Variants in EMC3 observed in about 807,000 individuals in gnomAD.
EMC3 encodes ER membrane protein complex subunit 3.
EMC3 carries 13 observed loss-of-function variants against 36.6 expected under a neutral mutation model. The ratio of observed to expected loss-of-function variants is 0.35; its 90% CI spans 0.23 to 0.56. EMC3 has a LOEUF of 0.56. EMC3 is among the 20% of genes least tolerant of loss of function. The probability of loss-of-function intolerance (pLI) is 0.84; values close to 1 mark genes in which losing one functional copy is unlikely to be tolerated. For synonymous variants in EMC3, 120 were observed against 111.9 expected (o/e 1.07, Z -0.46); for missense variants, 220 against 324.5 (o/e 0.68, Z 2.47).
intron 3 of EMC3, among the ~76,000 whole-genome samples, chr3:9,974,719 T>C (rs956029524): frequency 3.3e-5 from 5 of 150,794 alleles, no homozygotes; most frequent in South Asian, 2.1e-4. Context: ...CCACCACGCC[T>C]GGCTAATTTT....
upstream of EMC3, among the ~76,000 whole-genome samples, chr3:9,989,981 T>C (rs2086027657): frequency 6.7e-6 from 1 of 149,948 alleles, no homozygotes; most frequent in Non-Finnish European, 1.5e-5. Context: ...TTTTTTTTCC[T>C]GGAAGCATAG....
intron 1 of EMC3, among the ~76,000 whole-genome samples, chr3:9,981,170 C>T (rs985819140): frequency 2.6e-5 from 4 of 152,190 alleles, no homozygotes; most frequent in East Asian, 1.9e-4. Context: ...CCACTGCGAT[C>T]GCAGCCTCAA....
upstream of EMC3, among the ~76,000 whole-genome samples, chr3:9,988,968 G>A (rs1416599657): frequency 6.6e-6 from 1 of 151,630 alleles, no homozygotes; most frequent in Non-Finnish European, 1.5e-5. Flanking sequence ...TAAGCCTACA[G>A]TATCCACAAG....
upstream of EMC3, chr3:9,986,915 T>G: frequency 7.8e-7 from 1 of 1,282,784 alleles, no homozygotes; most frequent in Non-Finnish European, 9.9e-7. Context: ...GGCGGGAAAG[T>G]GGAAAACTAT....
At chr3:9,978,876 G>C (rs945931943) in intron 1 of EMC3, among the ~76,000 whole-genome samples, 33 of 151,720 alleles carry the variant, frequency 2.2e-4, no homozygotes, top group African/African-American at 7.7e-4. Context: ...ACTGTGCTTG[G>C]CTTCCTGTCT....
At chr3:10,005,455 C>T (rs1338102640) in intron 1 of EMC3, among the ~76,000 whole-genome samples, 3 of 152,126 alleles carry the variant, frequency 2.0e-5, no homozygotes. Flanking sequence ...TACAAAGCCT[C>T]AGTGTCATAC....
chr3:9,967,882 G>T (rs1273492499), intron 7 of EMC3, among the ~76,000 whole-genome samples: 1 of 152,190 alleles, frequency 6.6e-6, no homozygotes, highest in Non-Finnish European at 1.5e-5. Flanking sequence ...TTTCAGCAAT[G>T]TTTTGTAATT....
At chr3:9,991,041 G>T (rs2086045226), upstream of EMC3, among the ~76,000 whole-genome samples, 1 of 151,366 alleles carries the variant, frequency 6.6e-6, no homozygotes, top group South Asian at 2.1e-4. Flanking sequence ...TGTTAGCCAG[G>T]ATGGTCTCGA....
rs1433067308 is a variant in EMC3 at position 10,001,406 on chromosome 3, A to C, written c.-242+9617T>G. Among the ~76,000 whole-genome samples the C allele has an allele frequency of 1.0e-4, 6 of 58,194 alleles. No homozygotes were observed. In the African/African-American group the frequency reaches 2.1e-3, roughly 20 times the overall value. The allele number at this position is 58,194 out of a possible 152,430, so 38.2% of individuals were successfully genotyped here. Reference sequence around the variant, plus strand: ...GAAACCCTGTCTCTGCTAAAAATACAAAAAAAAAAAAAAAAAAAAAAATTA... The same window carrying C: ...GAAACCCTGTCTCTGCTAAAAATACCAAAAAAAAAAAAAAAAAAAAAATTA... On this transcript the variant is annotated intron_variant, in intron 1 of 8. Transcript: ENST00000470827.
upstream of EMC3, chr3:9,986,846 C>T: frequency 6.5e-6 from 9 of 1,381,386 alleles, no homozygotes; most frequent in South Asian, 1.5e-4. Context: ...CCACTTCCGG[C>T]GCGAACGTTG....
chr3:9,967,642 C>T (rs1478082377), intron 7 of EMC3, among the ~76,000 whole-genome samples: 5 of 152,176 alleles, frequency 3.3e-5, no homozygotes, highest in South Asian at 4.1e-4. Flanking sequence ...TTTAAAACCA[C>T]GGCGTGTAAG....
Position 9,974,367 on chromosome 3 carries a change from C to G in EMC3, c.412+17G>C. The G allele has an allele frequency of 6.4e-7, 1 of 1,563,684 alleles. No individual in the cohort carries two copies. The highest frequency in any genetic ancestry group is 1.4e-5 in the African/African-American group (1 of 74,040). On this transcript the variant is annotated intron_variant, in intron 4 of 7. Coordinates refer to ENST00000245046, the MANE Select transcript of EMC3 (RefSeq NM_001394674.1). ...ATTTCTCTGGGTAACATGAAGTCGG[C>G]TGGGTCTGTAACTTACTTGTGACAA...
intron 1 of EMC3, chr3:9,992,872 T>C: frequency 2.0e-6 from 3 of 1,464,732 alleles, no homozygotes; most frequent in Non-Finnish European, 2.8e-6. Flanking sequence ...TGCATATTTA[T>C]TGACCTGGTG....
intron 1 of EMC3, among the ~76,000 whole-genome samples, chr3:9,998,693 C>T (rs2086160620): frequency 2.0e-5 from 3 of 151,988 alleles, no homozygotes; most frequent in African/African-American, 7.3e-5. Context: ...AGCATCTTTT[C>T]ACATACTTCT....
chr3:9,966,633 T>A (rs933097491), intron 7 of EMC3, among the ~76,000 whole-genome samples: 1 of 150,074 alleles, frequency 6.7e-6, no homozygotes, highest in Non-Finnish European at 1.5e-5. Flanking sequence ...GCATCTGCAA[T>A]GGTGGATCTC....
upstream of EMC3, chr3:9,987,909 ATC>A (rs1260957446): frequency 4.0e-6 from 4 of 1,002,568 alleles, no homozygotes; most frequent in Non-Finnish European, 6.3e-6. Context: ...TCTGCAGGTA[ATC>A]TCTGAGCTTC....
At chr3:10,008,570 G>T in intron 1 of EMC3, 1 of 808,902 alleles carries the variant, frequency 1.2e-6, no homozygotes, top group Non-Finnish European at 1.9e-6. Flanking sequence ...AGCAGGGTCA[G>T]ATAGTGGGGG....
chr3:9,981,437 C>G (rs977072228), intron 1 of EMC3, among the ~76,000 whole-genome samples: 2 of 152,156 alleles, frequency 1.3e-5, no homozygotes, highest in South Asian at 2.1e-4. Context: ...TTTTCTAACA[C>G]TCACTTTCTT....
Position 9,986,611 on chromosome 3 carries a change from G to A in EMC3, c.51C>T (p.Val17=). 1.9e-6 allele frequency: 3 copies of A among 1,614,208 alleles called. No individual in the cohort carries two copies. Among genetic ancestry groups the A allele is most frequent in the Non-Finnish European group, 2.5e-6 (3 of 1,180,042 alleles). Reference sequence around the variant, plus strand: ...AGAAAGTGATGATAACGATGGGTAGGACCACCCAGAGGCGGATGTTGGAGT... The same window carrying A: ...AGAAAGTGATGATAACGATGGGTAGAACCACCCAGAGGCGGATGTTGGAGT... The part of the protein sequence containing the change: ...LLDSNIRLWV[V]LPIVIITFFV... The change falls in exon 1 of 8, where the codon GTC becomes GTT. Residue 17 remains valine, a synonymous_variant. Transcript: ENST00000245046.
Sources: gnomAD v4.1 joint callset for allele counts (sites outside exome capture counted in the v4.1 genomes callset) on GRCh38, gnomAD v4.1.1 for gene constraint, MANE v1.5 for transcripts, NCBI Gene and HGNC (gene_info 2026-07-23, HGNC 2026-07-21) for gene names.